Variants in AAMDC observed in about 807,000 individuals in gnomAD.
The protein encoded by AAMDC is adipogenesis associated Mth938 domain containing.
A neutral mutation model predicts 15.5 loss-of-function variants in AAMDC; 16 were observed. The observed-to-expected ratio is 1.03, with a 90% confidence interval of 0.70 to 1.57. The LOEUF is 1.57. Among genes scored for constraint, AAMDC ranks in the 40% most tolerant of loss-of-function variants. AAMDC has a pLI of 0.00. For missense variants in AAMDC, 141 were observed against 144.9 expected, an observed-to-expected ratio of 0.97 and a Z score of 0.14; for synonymous variants, 51 against 51.6, an observed-to-expected ratio of 0.99 and a Z score of 0.05.
chr11:77,822,557 G>A (rs1215070402), intron 1 of AAMDC, among the ~76,000 whole-genome samples: 2 of 151,806 alleles, frequency 1.3e-5, no homozygotes, highest in Admixed American at 6.6e-5. Context: ...CACAAACACC[G>A]AATTTTTTTC....
intron 1 of AAMDC, among the ~76,000 whole-genome samples, chr11:77,835,666 C>G (rs1949650522): frequency 6.6e-6 from 1 of 152,158 alleles, no homozygotes; most frequent in African/African-American, 2.4e-5. Flanking sequence ...CGCCTGTAAT[C>G]CCAGCACTTT....
At chr11:77,898,397 C>T (rs189445257) in intron 5 of AAMDC, among the ~76,000 whole-genome samples, 94 of 152,220 alleles carry the variant, frequency 6.2e-4, no homozygotes, top group African/African-American at 2.1e-3. Flanking sequence ...CTCCTGACCT[C>T]GTGATCCACC....
chr11:77,883,728 G>A, intron 5 of AAMDC: 1 of 1,225,778 alleles, frequency 8.2e-7, no homozygotes, highest in Non-Finnish European at 1.1e-6. Flanking sequence ...TACAAGGCCT[G>A]ATTCATCCAT....
At chr11:77,870,329 ATTTTTTT>A (rs965312288) in intron 3 of AAMDC, among the ~76,000 whole-genome samples, 20 of 87,980 alleles carry the variant, frequency 2.3e-4, no homozygotes, top group African/African-American at 6.4e-4. Flanking sequence ...CTATTTTTTA[ATTTTTTT>A]TTTTTTTTTT....
At chr11:77,823,909 A>G (rs1162517520) in intron 1 of AAMDC, among the ~76,000 whole-genome samples, 2 of 152,000 alleles carry the variant, frequency 1.3e-5, no homozygotes, top group South Asian at 2.1e-4. Context: ...GTTGTGAAAT[A>G]ACATTCTAAA....
intron 1 of AAMDC, chr11:77,829,937 T>G (rs967122979): frequency 3.9e-5 from 6 of 152,140 alleles, no homozygotes; most frequent in African/African-American, 9.7e-5. Context: ...TTTGAGACCA[T>G]CCTGGGAAAC....
At chr11:77,869,324 T>C (rs1342978197) in intron 2 of AAMDC, 1 of 166,146 alleles carries the variant, frequency 6.0e-6, no homozygotes, top group Non-Finnish European at 1.3e-5. Context: ...TTTTTTTTTT[T>C]TTTTTTTAGA....
At chr11:77,895,025 A>G (rs1474814067) in intron 5 of AAMDC, among the ~76,000 whole-genome samples, 2 of 152,208 alleles carry the variant, frequency 1.3e-5, no homozygotes, top group African/African-American at 4.8e-5. Flanking sequence ...AAGAGGGGAA[A>G]AGGTTTTGTT....
intron 2 of AAMDC, among the ~76,000 whole-genome samples, chr11:77,869,366 G>A (rs1432110939): frequency 7.0e-6 from 1 of 142,990 alleles, no homozygotes; most frequent in African/African-American, 2.6e-5. Flanking sequence ...AGGATGGAGT[G>A]CAGTGGTGCA....
chr11:77,886,189 C>G (rs918318622), intron 5 of AAMDC, among the ~76,000 whole-genome samples: 1 of 151,876 alleles, frequency 6.6e-6, no homozygotes, highest in Admixed American at 6.6e-5. Context: ...AGGCAACAGA[C>G]AGAGACCTTG....
At chr11:77,848,676 G>C (rs759626422) in intron 2 of AAMDC, among the ~76,000 whole-genome samples, 2 of 152,132 alleles carry the variant, frequency 1.3e-5, no homozygotes, top group Non-Finnish European at 2.9e-5. Flanking sequence ...ATTCTTTATA[G>C]AAACTTAAGC....
chr11:77,881,167 G>C (rs1301611676), intron 5 of AAMDC, among the ~76,000 whole-genome samples: 2 of 152,176 alleles, frequency 1.3e-5, no homozygotes, highest in African/African-American at 4.8e-5. Context: ...TCTGCGTCAT[G>C]CCTGGAAGAA....
At chr11:77,870,272 G>A (rs1429377872) in intron 3 of AAMDC, among the ~76,000 whole-genome samples, 4 of 148,830 alleles carry the variant, frequency 2.7e-5, no homozygotes, top group Non-Finnish European at 5.9e-5. Context: ...CTCCCGCCTC[G>A]GCCTCCCAAA....
chr11:77,838,718 G>A (rs1265121680), intron 1 of AAMDC, among the ~76,000 whole-genome samples: 3 of 149,024 alleles, frequency 2.0e-5, no homozygotes, highest in Non-Finnish European at 3.0e-5. Context: ...CCGGGTTCAC[G>A]CCATTCTCCT....
chr11:77,841,533 G>A (rs182026913), intron 1 of AAMDC, among the ~76,000 whole-genome samples: 8 of 152,250 alleles, frequency 5.3e-5, no homozygotes, highest in South Asian at 4.1e-4. Flanking sequence ...AGGGGAGTGC[G>A]TTCAAAGTCC....
At chr11:77,884,998 G>A (rs374889939) in intron 5 of AAMDC, 73 of 184,058 alleles carry the variant, frequency 4.0e-4, no homozygotes, top group African/African-American at 1.6e-3. Context: ...GACCTCAAGT[G>A]ATCCTCCTGC....
chr11:77,872,367 A>G (rs1951473414), downstream of AAMDC: 1 of 1,552,414 alleles, frequency 6.4e-7, no homozygotes, highest in South Asian at 1.2e-5. Context: ...TGTGACTGTC[A>G]CTCACCATTC....
chr11:77,889,650 T>G (rs1952176843), intron 5 of AAMDC, among the ~76,000 whole-genome samples: 1 of 152,210 alleles, frequency 6.6e-6, no homozygotes, highest in African/African-American at 2.4e-5. Context: ...CAGTGTCATC[T>G]CTGAGGCATG....
chr11:77,877,178 G>A, downstream of AAMDC: 1 of 625,106 alleles, frequency 1.6e-6, no homozygotes, highest in South Asian at 1.9e-5. Flanking sequence ...TCCTAATTGT[G>A]TGACCTAGGA....
Sources: allele counts gnomAD v4.1 joint callset (sites outside exome capture counted in the v4.1 genomes callset), GRCh38; gene constraint gnomAD v4.1.1; transcripts MANE v1.5; gene names NCBI Gene and HGNC (gene_info 2026-07-23, HGNC 2026-07-21).